The following PCDHGB3 variants were observed in gnomAD, a reference collection of about 807,000 sequenced individuals.
PCDHGB3 encodes the protein protocadherin gamma subfamily B, 3.
A neutral mutation model predicts 59.2 loss-of-function variants in PCDHGB3; 40 were observed. The ratio of observed to expected loss-of-function variants is 0.68; its 90% CI spans 0.52 to 0.88. The LOEUF (loss-of-function observed/expected upper bound fraction) is 0.88. Among genes scored for constraint, PCDHGB3 ranks in the 40% least tolerant of loss-of-function variants. The pLI is 0.00. For missense variants in PCDHGB3, 1,309 were observed against 1,187.9 expected, an observed-to-expected ratio of 1.10 and a Z score of -1.50; for synonymous variants, 581 against 503.6, an observed-to-expected ratio of 1.15 and a Z score of -2.06.
At chr5:141,423,619 T>C (rs1389600826) in intron 1 of PCDHGB3, 1 of 1,608,090 alleles carries the variant, frequency 6.2e-7, no homozygotes. Context: ...AGCTGAAGAC[T>C]CAGCTATCAT....
At chr5:141,461,242 T>G (rs1246270739) in intron 1 of PCDHGB3, among the ~76,000 whole-genome samples, 1 of 152,170 alleles carries the variant, frequency 6.6e-6, no homozygotes, top group Non-Finnish European at 1.5e-5. Context: ...TGTACTAATT[T>G]ATATTCCCAG....
At chr5:141,423,659 A>G in intron 1 of PCDHGB3, 2 of 1,551,038 alleles carry the variant, frequency 1.3e-6, no homozygotes, top group Non-Finnish European at 1.7e-6. Flanking sequence ...ACAAGTAATC[A>G]GGTGAGATTT....
intron 1 of PCDHGB3, among the ~76,000 whole-genome samples, chr5:141,459,059 A>G (rs1219921155): frequency 2.6e-5 from 4 of 152,228 alleles, no homozygotes; most frequent in African/African-American, 4.8e-5. Context: ...AGTATAATTT[A>G]TATAACATAA....
intron 1 of PCDHGB3, among the ~76,000 whole-genome samples, chr5:141,480,689 C>A (rs1266042791): frequency 6.6e-6 from 1 of 152,126 alleles, no homozygotes; most frequent in Non-Finnish European, 1.5e-5. Flanking sequence ...AATTCTGAAA[C>A]CCAGGCCACA....
In PCDHGB3 at chr5:141,487,819, C is replaced by A; in HGVS notation, c.2416-6988C>A. 2.3e-6 allele frequency: 3 copies of A among 1,285,528 alleles called. No homozygotes were observed. Among genetic ancestry groups the A allele is most frequent in the Non-Finnish European group, 3.2e-6 (3 of 932,998 alleles). 79.6% of individuals were successfully genotyped at this position (1,285,528 alleles called of 1,614,324 possible). On this transcript the variant is annotated intron_variant, in intron 1 of 3. Transcript: ENST00000576222. This position sits in a 1 kb window ranked among gnomAD's most constrained non-coding sequence, Gnocchi z 5.0. ...AGTTGTCACAGTTTAGCATTGGGGG[C>A]GGGTCATGCCTATATCTGAGTAAGA...
Position 141,431,449 on chromosome 5 carries a change from G to A in PCDHGB3, c.2415+58640G>A. Reference sequence around the variant, plus strand: ...GCACAGGCACCGCGCGCATCCGCGTGATGGTTCTGGATGCGAACGACAACG... The same window carrying A: ...GCACAGGCACCGCGCGCATCCGCGTAATGGTTCTGGATGCGAACGACAACG... On this transcript the variant is annotated intron_variant, in intron 1 of 3. Coordinates refer to ENST00000576222, the MANE Select transcript of PCDHGB3 (RefSeq NM_018924.5). The surrounding 1 kb of genome is among the most constrained non-coding windows in gnomAD (Gnocchi z 4.8). The A allele has an allele frequency of 6.2e-7, 1 of 1,613,742 alleles. No individual in the cohort carries two copies. Among genetic ancestry groups the A allele is most frequent in the South Asian group, 1.1e-5 (1 of 91,082 alleles).
At chr5:141,508,033 C>A (rs1596123382) in intron 3 of PCDHGB3, 1 of 152,290 alleles carries the variant, frequency 6.6e-6, no homozygotes, top group Non-Finnish European at 1.5e-5. Flanking sequence ...GTTTGCAGCT[C>A]AGCCAGCTGT....
chr5:141,495,434 G>A (rs1038100521), intron 2 of PCDHGB3, among the ~76,000 whole-genome samples: 2 of 152,196 alleles, frequency 1.3e-5, no homozygotes, highest in Non-Finnish European at 2.9e-5. Flanking sequence ...ACTGTCCTCT[G>A]CCCCTACTTG....
intron 1 of PCDHGB3, chr5:141,430,668 C>T (rs538633559): frequency 1.6e-6 from 2 of 1,243,872 alleles, no homozygotes; most frequent in East Asian, 2.5e-5. Context: ...GGAGCTCTGA[C>T]TTCCCAACTG....
chr5:141,387,947 G>C (rs1240846942), intron 1 of PCDHGB3: 25 of 1,484,496 alleles, frequency 1.7e-5, no homozygotes, highest in Non-Finnish European at 2.2e-5. Context: ...TTCTCTTCCT[G>C]CTGTCTTTGT....
chr5:141,439,212 T>G (rs1391791892), intron 1 of PCDHGB3, among the ~76,000 whole-genome samples: 1 of 150,642 alleles, frequency 6.6e-6, no homozygotes, highest in Non-Finnish European at 1.5e-5. Context: ...AAAATCCATA[T>G]GTGAAAATTC....
At chr5:141,448,662 C>T (rs1242351797) in intron 1 of PCDHGB3, among the ~76,000 whole-genome samples, 1 of 151,980 alleles carries the variant, frequency 6.6e-6, no homozygotes, top group Non-Finnish European at 1.5e-5. Flanking sequence ...CCATATTGGC[C>T]GGGCGCGGTG....
chr5:141,465,918 C>T lies in PCDHGB3; in HGVS notation c.2416-28889C>T, dbSNP rs34980831. On this transcript the variant is annotated intron_variant, in intron 1 of 3. Transcript: ENST00000576222. ...CGGGCAAATCACGAGGTCAGGATTT[C>T]GAGTCCATCCTGGCTAACATGGTGA... 2.0e-3 allele frequency among the ~76,000 whole-genome samples: 307 copies of T among 152,144 alleles called. 1 individual carries two copies. Among genetic ancestry groups the T allele is most frequent in the Middle Eastern group, 0.01 (3 of 294 alleles).
Position 141,431,994 on chromosome 5 carries a change from G to A in PCDHGB3, c.2415+59185G>A, listed in dbSNP as rs2097434865. ...TTAGTCACAGACATAGTCTTGGATA[G>A]GGAACAGGTTCCTAGCTACAACATC... On this transcript the variant is annotated intron_variant, in intron 1 of 3. Coordinates refer to ENST00000576222, the MANE Select transcript of PCDHGB3 (RefSeq NM_018924.5). The surrounding 1 kb of genome is among the most constrained non-coding windows in gnomAD (Gnocchi z 4.8). 6.2e-7 allele frequency: 1 copy of A among 1,614,188 alleles called. No homozygotes were observed. Among genetic ancestry groups the A allele is most frequent in the Non-Finnish European group, 8.5e-7 (1 of 1,180,038 alleles).
chr5:141,371,887 C>G lies in PCDHGB3; in HGVS notation c.1493C>G (p.Pro498Arg), dbSNP rs372336757. 2.5e-5 allele frequency: 41 copies of G among 1,613,306 alleles called. No individual in the cohort carries two copies. Among genetic ancestry groups the G allele is most frequent in the Non-Finnish European group, 3.4e-5 (40 of 1,179,908 alleles). Residue 498 changes from proline (P) to arginine (R), a missense_variant, in exon 1 of 4, where the codon CCG (proline) becomes CGG (arginine). Transcript: ENST00000576222. ...TACATCGTGGCCAGTGACCTGGAGC[C>G]GCGGGAGCTGTCGTCCTACGTGTCC... ...SYYIVASDLE[P>R]RELSSYVSVS...
intron 1 of PCDHGB3, among the ~76,000 whole-genome samples, chr5:141,462,363 G>C (rs1425898350): frequency 6.6e-6 from 1 of 152,132 alleles, no homozygotes; most frequent in Non-Finnish European, 1.5e-5. Context: ...ACATTGTATA[G>C]TTTCTATTCT....
At chr5:141,419,938 G>A in intron 1 of PCDHGB3, 1 of 1,614,102 alleles carries the variant, frequency 6.2e-7, no homozygotes, top group Non-Finnish European at 8.5e-7. Context: ...TTTACCTGGT[G>A]GTGGCCTTGG....
chr5:141,378,478 GT>G (rs1210036765), intron 1 of PCDHGB3: 3 of 152,162 alleles, frequency 2.0e-5, no homozygotes, highest in African/African-American at 7.2e-5. Flanking sequence ...AGCCAAGATC[GT>G]GCCACTGCAC....
chr5:141,421,357 T>A lies in PCDHGB3; in HGVS notation c.2415+48548T>A, dbSNP rs761522510. ...GGTGCCAGAAGAGACCGAAAAGGGC[T>A]CCTTCGTGGGCAATATCTCCAAGGA... On this transcript the variant is annotated intron_variant, in intron 1 of 3. Coordinates refer to ENST00000576222, the MANE Select transcript of PCDHGB3 (RefSeq NM_018924.5). 4.3e-6 allele frequency: 7 copies of A among 1,613,976 alleles called. 1 individual carries two copies. The South Asian group carries it at 7.7e-5, about 18-fold the overall frequency.
Sources: allele counts gnomAD v4.1 joint callset (sites outside exome capture counted in the v4.1 genomes callset), GRCh38; gene constraint gnomAD v4.1.1; non-coding constraint Gnocchi (gnomAD v3.1); transcripts MANE v1.5; gene names NCBI Gene and HGNC (gene_info 2026-07-23, HGNC 2026-07-21).